The following GPATCH2 variants were observed in gnomAD, a reference collection of about 807,000 sequenced individuals.
GPATCH2 encodes the protein G patch domain-containing protein 2.
A neutral mutation model predicts 58.0 loss-of-function variants in GPATCH2; 51 were observed. That is an observed-to-expected ratio of 0.88 (90% CI 0.70 to 1.11). The LOEUF (loss-of-function observed/expected upper bound fraction) is 1.11. Among genes scored for constraint, GPATCH2 ranks in the 50% most tolerant of loss-of-function variants. The probability of loss-of-function intolerance (pLI) is 0.00; values close to 1 mark genes in which losing one functional copy is unlikely to be tolerated. For missense variants in GPATCH2, 625 were observed against 652.2 expected, an observed-to-expected ratio of 0.96 and a Z score of 0.45; for synonymous variants, 222 against 218.5, an observed-to-expected ratio of 1.02 and a Z score of -0.14.
chr1:217,494,198 C>G (rs560444302), intron 7 of GPATCH2, among the ~76,000 whole-genome samples: 2 of 152,222 alleles, frequency 1.3e-5, no homozygotes, highest in African/African-American at 4.8e-5. Context: ...TACATAAAAA[C>G]AAGTCAAACA....
At chr1:217,444,007 T>C (rs1659265108) in intron 9 of GPATCH2, among the ~76,000 whole-genome samples, 1 of 152,186 alleles carries the variant, frequency 6.6e-6, no homozygotes, top group Admixed American at 6.5e-5. Context: ...CTCTGAGGCC[T>C]GGGTTGAAGG....
rs529162902 is a variant in GPATCH2, at chr1:217,545,419, A to T, written c.1099-30530T>A. ...TCTTTTGTGCTAATCCTCATCATAG[A>T]GGGTATTTGGGCAGCACCTAGAGTC... On this transcript the variant is annotated intron_variant, in intron 5 of 9. Transcript: ENST00000366935. 5.3e-4 allele frequency among the ~76,000 whole-genome samples: 80 copies of T among 152,158 alleles called. 1 individual carries two copies. The highest frequency in any genetic ancestry group is 8.5e-4 in the Non-Finnish European group (58 of 68,034).
intron 8 of GPATCH2, among the ~76,000 whole-genome samples, chr1:217,469,945 CTTGTTTGT>C (rs1660642754): frequency 6.6e-6 from 1 of 152,120 alleles, no homozygotes; most frequent in African/African-American, 2.4e-5. Context: ...ATTAGGACTG[CTTGTTTGT>C]TTTGGGAAAT....
At chr1:217,528,457 G>A (rs950000307) in intron 5 of GPATCH2, among the ~76,000 whole-genome samples, 3 of 152,130 alleles carry the variant, frequency 2.0e-5, no homozygotes, top group Admixed American at 6.5e-5. Context: ...TTCTGCCTAC[G>A]ATGACTAGGA....
At chr1:217,469,786 T>C (rs952146987) in intron 8 of GPATCH2, among the ~76,000 whole-genome samples, 1 of 152,184 alleles carries the variant, frequency 6.6e-6, no homozygotes, top group African/African-American at 2.4e-5. Context: ...AAAGTAATAT[T>C]TTAAAATTGA....
At chr1:217,451,141 A>T (rs1197865998) in intron 8 of GPATCH2, among the ~76,000 whole-genome samples, 1 of 152,198 alleles carries the variant, frequency 6.6e-6, no homozygotes, top group African/African-American at 2.4e-5. Flanking sequence ...AGGCATAACC[A>T]ACTTTATTAA....
At chr1:217,590,771 A>G (rs954556451) in intron 5 of GPATCH2, among the ~76,000 whole-genome samples, 3 of 152,214 alleles carry the variant, frequency 2.0e-5, no homozygotes, top group Admixed American at 6.5e-5. Context: ...ATGAGTGATA[A>G]TAGTTCCTTT....
At chr1:217,588,782 G>A (rs954950190) in intron 5 of GPATCH2, among the ~76,000 whole-genome samples, 1 of 152,062 alleles carries the variant, frequency 6.6e-6, no homozygotes, top group Non-Finnish European at 1.5e-5. Context: ...ACTATTGTCA[G>A]CTGACATCAG....
At chr1:217,447,541 A>G (rs541298373) in intron 9 of GPATCH2, among the ~76,000 whole-genome samples, 8 of 152,320 alleles carry the variant, frequency 5.3e-5, no homozygotes, top group African/African-American at 1.7e-4. Flanking sequence ...CAGTTGTTAT[A>G]AAGATAAAAT....
At position 217,509,693 on chromosome 1, in the gene GPATCH2, CAGT is replaced by C. The variant is rs951594427; in HGVS notation, c.1166+5126_1166+5128del. ...CTGAATGCTTTCCATCACTAGCCAGCAGTAGAACTTGATAATCTTGAACCGAGA... is the reference window on the plus strand; with the variant it reads ...CTGAATGCTTTCCATCACTAGCCAGCAGAACTTGATAATCTTGAACCGAGA... On this transcript the variant is annotated intron_variant, in intron 6 of 9. Coordinates refer to ENST00000366935, the MANE Select transcript of GPATCH2 (RefSeq NM_018040.5). Among the ~76,000 whole-genome samples, 32 of 152,240 alleles carry C rather than the reference CAGT, an allele frequency of 2.1e-4. 1 individual carries two copies. Among genetic ancestry groups the C allele is most frequent in the African/African-American group, 7.2e-4 (30 of 41,524 alleles).
At chr1:217,555,785 T>TCCTTAAAGTTTATGAACATCTGCACTTCA (rs1665589078) in intron 5 of GPATCH2, among the ~76,000 whole-genome samples, 3 of 152,148 alleles carry the variant, frequency 2.0e-5, no homozygotes, top group Non-Finnish European at 4.4e-5. Context: ...ACTACACTTC[T>TCCTTAAAGTTTATGAACATCTGCACTTCA]CCTTAAAGTT....
intron 5 of GPATCH2, among the ~76,000 whole-genome samples, chr1:217,516,934 T>C (rs1467187576): frequency 6.6e-6 from 1 of 152,196 alleles, no homozygotes; most frequent in Non-Finnish European, 1.5e-5. Context: ...TGAAATTTAA[T>C]AAATGAAGAA....
At chr1:217,539,797 A>C (rs1023681695) in intron 5 of GPATCH2, among the ~76,000 whole-genome samples, 1 of 152,188 alleles carries the variant, frequency 6.6e-6, no homozygotes, top group Non-Finnish European at 1.5e-5. Flanking sequence ...CGTAATGGCT[A>C]TGGTGAGGGC....
intron 5 of GPATCH2, among the ~76,000 whole-genome samples, chr1:217,595,277 C>A (rs1303712204): frequency 6.6e-6 from 1 of 152,072 alleles, no homozygotes; most frequent in Non-Finnish European, 1.5e-5. Flanking sequence ...AGTAAAAAAA[C>A]CCTTGAATCT....
At chr1:217,612,942 T>C (rs557807869) in intron 3 of GPATCH2, among the ~76,000 whole-genome samples, 2 of 152,270 alleles carry the variant, frequency 1.3e-5, no homozygotes, top group African/African-American at 4.8e-5. Context: ...ACGTGAAACA[T>C]AGTAAGTTCA....
chr1:217,537,978 G>A (rs1664557946), intron 5 of GPATCH2, among the ~76,000 whole-genome samples: 1 of 151,958 alleles, frequency 6.6e-6, no homozygotes, highest in Non-Finnish European at 1.5e-5. Context: ...TCCTTACCAG[G>A]ATCCTTTATT....
At chr1:217,570,868 A>C (rs1666505453) in intron 5 of GPATCH2, among the ~76,000 whole-genome samples, 1 of 152,224 alleles carries the variant, frequency 6.6e-6, no homozygotes, top group African/African-American at 2.4e-5. Flanking sequence ...CGTATCTGAC[A>C]GTCTTTAATG....
At chr1:217,573,988 T>G (rs1666688938) in intron 5 of GPATCH2, among the ~76,000 whole-genome samples, 1 of 152,190 alleles carries the variant, frequency 6.6e-6, no homozygotes, top group South Asian at 2.1e-4. Flanking sequence ...TGAGAATGGT[T>G]TGCTTGGCAA....
chr1:217,454,413 C>T (rs1045318288), intron 8 of GPATCH2, among the ~76,000 whole-genome samples: 5 of 151,732 alleles, frequency 3.3e-5, no homozygotes, highest in African/African-American at 1.2e-4. Flanking sequence ...CACGGTGAAA[C>T]CCCGTTTCTA....
Sources: allele counts gnomAD v4.1 joint callset (sites outside exome capture counted in the v4.1 genomes callset), GRCh38; gene constraint gnomAD v4.1.1; transcripts MANE v1.5; gene names NCBI Gene and HGNC (gene_info 2026-07-23, HGNC 2026-07-21).